Variants in TEKT5 observed in about 807,000 individuals in gnomAD.
TEKT5 encodes the protein tektin-5.
A neutral mutation model predicts 48.7 loss-of-function variants in TEKT5; 52 were observed. That is an observed-to-expected ratio of 1.07 (90% CI 0.86 to 1.35). The LOEUF (loss-of-function observed/expected upper bound fraction) is 1.35. TEKT5 is among the 40% of genes most tolerant of loss of function. The pLI, the probability that TEKT5 is intolerant of heterozygous loss-of-function variation, is 0.00. For missense variants in TEKT5, 831 were observed against 641.6 expected, an observed-to-expected ratio of 1.30 and a Z score of -3.19; for synonymous variants, 318 against 267.6, an observed-to-expected ratio of 1.19 and a Z score of -1.84.
At chr16:10,648,243 A>C (rs551620028) in intron 5 of TEKT5, among the ~76,000 whole-genome samples, 1 of 152,324 alleles carries the variant, frequency 6.6e-6, no homozygotes, top group Admixed American at 6.5e-5. Context: ...AGACTCTTAC[A>C]TGAATCATCT....
At chr16:10,670,475 C>T (rs913564250) in intron 5 of TEKT5, among the ~76,000 whole-genome samples, 4 of 152,060 alleles carry the variant, frequency 2.6e-5, no homozygotes, top group Non-Finnish European at 4.4e-5. Flanking sequence ...GCCAAGATCT[C>T]GTCACTGCAC....
At chr16:10,668,042 T>G (rs1898488889) in intron 5 of TEKT5, among the ~76,000 whole-genome samples, 1 of 152,130 alleles carries the variant, frequency 6.6e-6, no homozygotes, top group African/African-American at 2.4e-5. Context: ...CATGCCCAGC[T>G]AATTTTTGTA....
intron 6 of TEKT5, among the ~76,000 whole-genome samples, chr16:10,629,441 G>C (rs374282814): frequency 5.3e-5 from 8 of 152,224 alleles, no homozygotes; most frequent in African/African-American, 1.7e-4. Context: ...AGTAGAGACA[G>C]TGTTTCACCA....
chr16:10,666,749 G>C (rs1437647598), intron 5 of TEKT5, among the ~76,000 whole-genome samples: 1 of 152,178 alleles, frequency 6.6e-6, no homozygotes, highest in Admixed American at 6.6e-5. Context: ...CAAGGCGTGA[G>C]AACTGTGTCT....
chr16:10,666,064 C>T (rs1240289865), intron 5 of TEKT5, among the ~76,000 whole-genome samples: 2 of 152,182 alleles, frequency 1.3e-5, no homozygotes, highest in African/African-American at 4.8e-5. Context: ...ATGGTGACAC[C>T]TTGTCTCTAC....
chr16:10,672,516 A>G (rs1002892902), intron 5 of TEKT5, among the ~76,000 whole-genome samples: 2 of 152,176 alleles, frequency 1.3e-5, no homozygotes, highest in African/African-American at 4.8e-5. Context: ...GAATCACTTG[A>G]ACCAGGGAGG....
chr16:10,639,642 T>G (rs1476944358), intron 5 of TEKT5, among the ~76,000 whole-genome samples: 1 of 152,202 alleles, frequency 6.6e-6, no homozygotes, highest in Non-Finnish European at 1.5e-5. Context: ...TCACAGTCTA[T>G]TTTTCAAATA....
intron 5 of TEKT5, among the ~76,000 whole-genome samples, chr16:10,653,986 G>A (rs1283122371): frequency 2.0e-5 from 3 of 151,870 alleles, no homozygotes; most frequent in Non-Finnish European, 2.9e-5. Context: ...AAGTAAAATT[G>A]TGTGTGTGTG....
intron 5 of TEKT5, among the ~76,000 whole-genome samples, chr16:10,639,227 A>C (rs1029437011): frequency 6.6e-6 from 1 of 152,170 alleles, no homozygotes; most frequent in Non-Finnish European, 1.5e-5. Context: ...GAACTGTTTG[A>C]GCCCAGGAGT....
chr16:10,652,492 A>ACACC lies in TEKT5; in HGVS notation c.1087-16578_1087-16575dup, dbSNP rs1363445563. On this transcript the variant is annotated intron_variant, in intron 5 of 6. Transcript: ENST00000283025. ...CACACACACACACACACACACACAC[A>ACACC]CACCCTCCAGGCCAGGTAGAGCGAT... Among the ~76,000 whole-genome samples, 279 of 122,980 alleles carry ACACC rather than the reference A, an allele frequency of 2.3e-3. 1 individual carries two copies. Among genetic ancestry groups the ACACC allele is most frequent in the Non-Finnish European group, 4.1e-3 (238 of 57,758 alleles). 80.7% of individuals were successfully genotyped at this position (122,980 alleles called of 152,430 possible).
intron 5 of TEKT5, among the ~76,000 whole-genome samples, chr16:10,675,479 G>A (rs1055881343): frequency 2.0e-5 from 3 of 152,174 alleles, no homozygotes; most frequent in Admixed American, 2.0e-4. Context: ...GGGCAGTGCT[G>A]CAGACTCCTC....
At position 10,689,452 on chromosome 16, in the gene TEKT5, C is replaced by T. The variant is rs564918837; in HGVS notation, c.649-129G>A. On this transcript the variant is annotated intron_variant, in intron 2 of 6. Transcript: ENST00000283025. Reference sequence around the variant, plus strand: ...TCGACCCCAGGAGGTGAAATGTCAGCGTGGGGCCCCGCCTCAATCCACGTG... The same window carrying T: ...TCGACCCCAGGAGGTGAAATGTCAGTGTGGGGCCCCGCCTCAATCCACGTG... 1.1e-4 allele frequency: 78 copies of T among 709,328 alleles called. 1 individual carries two copies. Among genetic ancestry groups the T allele is most frequent in the Non-Finnish European group, 1.7e-4 (72 of 435,964 alleles). 43.9% of individuals were successfully genotyped at this position (709,328 alleles called of 1,614,324 possible).
At chr16:10,691,353 T>A (rs1898972700) in intron 1 of TEKT5, 1 of 152,266 alleles carries the variant, frequency 6.6e-6, no homozygotes, top group South Asian at 2.1e-4. Flanking sequence ...AGGAACTCAA[T>A]CATTTCCAAC....
At chr16:10,655,741 A>C (rs1181071897) in intron 5 of TEKT5, among the ~76,000 whole-genome samples, 2 of 152,162 alleles carry the variant, frequency 1.3e-5, no homozygotes, top group Non-Finnish European at 2.9e-5. Context: ...GCTCAAACTT[A>C]AGATGTGATG....
intron 5 of TEKT5, among the ~76,000 whole-genome samples, chr16:10,654,944 A>ACG (rs1898233978): frequency 1.2e-4 from 8 of 67,262 alleles, no homozygotes; most frequent in African/African-American, 5.1e-4. Context: ...CCCCTCCCCC[A>ACG]CCCCCCCCCC....
chr16:10,693,514 C>T (rs919986045), intron 1 of TEKT5, among the ~76,000 whole-genome samples: 2 of 152,228 alleles, frequency 1.3e-5, no homozygotes, highest in African/African-American at 2.4e-5. Context: ...CAGTCAGCAC[C>T]GACATTGGTC....
At chr16:10,643,423 T>C (rs1306625982) in intron 5 of TEKT5, among the ~76,000 whole-genome samples, 2 of 152,026 alleles carry the variant, frequency 1.3e-5, no homozygotes, top group Non-Finnish European at 1.5e-5. Flanking sequence ...AAATTTACTG[T>C]ATGATTATAC....
Position 10,658,152 on chromosome 16 carries a change from C to A in TEKT5, c.1086+17807G>T, listed in dbSNP as rs139326187. 3.3e-3 allele frequency among the ~76,000 whole-genome samples: 504 copies of A among 152,190 alleles called. 3 individuals carry two copies. Among genetic ancestry groups the A allele is most frequent in the Middle Eastern group, 6.8e-3 (2 of 294 alleles). On this transcript the variant is annotated intron_variant, in intron 5 of 6. Transcript: ENST00000283025. Reference sequence around the variant, plus strand: ...TGACTAGGATGCAGAGAAACTGGACCACTTATATGCGGCTGGTGGAAGTCA... The same window carrying A: ...TGACTAGGATGCAGAGAAACTGGACAACTTATATGCGGCTGGTGGAAGTCA...
chr16:10,693,591 AAGC>A (rs1899019790), intron 1 of TEKT5, among the ~76,000 whole-genome samples: 1 of 152,242 alleles, frequency 6.6e-6, no homozygotes, highest in Non-Finnish European at 1.5e-5. Flanking sequence ...ATCAGTGACA[AAGC>A]AGGCAAAAAT....
Sources: allele counts gnomAD v4.1 joint callset (sites outside exome capture counted in the v4.1 genomes callset), GRCh38; gene constraint gnomAD v4.1.1; transcripts MANE v1.5; gene names NCBI Gene and HGNC (gene_info 2026-07-23, HGNC 2026-07-21).